Variants in IDUA observed in about 807,000 individuals in gnomAD.
IDUA encodes the protein iduronidase alpha-L-.
Under a neutral mutation model 68.9 loss-of-function variants are expected in IDUA, and 65 were observed. The ratio of observed to expected loss-of-function variants is 0.94; its 90% CI spans 0.77 to 1.16. The LOEUF is 1.16. Among genes scored for constraint, IDUA ranks in the 50% most tolerant of loss-of-function variants. The pLI is 0.00. For synonymous variants in IDUA, 529 were observed against 433.6 expected, an observed-to-expected ratio of 1.22 and a Z score of -2.73; for missense variants, 1,046 against 938.0, an observed-to-expected ratio of 1.12 and a Z score of -1.50.
chr4:1,001,600 G>T (rs769035454), intron 5 of IDUA, 37 bp downstream of exon 5: 1 of 1,609,058 alleles, frequency 6.2e-7, no homozygotes, highest in Non-Finnish European at 8.5e-7. Context: ...CCGGCTGAAA[G>T]GGGGCAGAGG....
chr4:989,159 C>G, intron 2 of IDUA: 2 of 1,607,494 alleles, frequency 1.2e-6, no homozygotes, highest in Non-Finnish European at 1.7e-6. Flanking sequence ...CTAACCGGGC[C>G]CAGGTCCTCG....
intron 2 of IDUA, chr4:989,806 A>G: frequency 6.3e-7 from 1 of 1,576,586 alleles, no homozygotes; most frequent in Non-Finnish European, 8.6e-7. Flanking sequence ...GCCCACAGCC[A>G]GCAGCTCCTG....
At chr4:1,000,736 C>T (rs1268466576) in intron 3 of IDUA, 39 bp downstream of exon 3, 3 of 1,536,314 alleles carry the variant, frequency 2.0e-6, no homozygotes, top group South Asian at 1.1e-5. Context: ...CGCCTGCACC[C>T]CCTTGCCCTG....
At chr4:992,035 C>A in intron 2 of IDUA, 1 of 598,812 alleles carries the variant, frequency 1.7e-6, no homozygotes, top group Non-Finnish European at 3.1e-6. Flanking sequence ...CCAGGCTCAG[C>A]TCCGGCCTAT....
chr4:1,001,435 C>T, intron 4 of IDUA, 33 bp from the exon 5 acceptor site: 2 of 1,584,198 alleles, frequency 1.3e-6, no homozygotes, highest in Non-Finnish European at 1.7e-6. Flanking sequence ...CGAGATTCAC[C>T]TGTGCTGGGG....
At chr4:1,001,131 A>T in intron 4 of IDUA, 142 bp downstream of exon 4, 1 of 664,022 alleles carries the variant, frequency 1.5e-6, no homozygotes. Context: ...GGGGGTGACA[A>T]GGGATAGGTT....
chr4:991,542 G>A (rs372431232), intron 2 of IDUA: 2 of 1,605,804 alleles, frequency 1.2e-6, no homozygotes, highest in African/African-American at 2.7e-5. Context: ...GCGTGGCGGG[G>A]AGCAGGTCCT....
At position 1,004,236 on chromosome 4, in the gene IDUA, G is replaced by A; in HGVS notation, c.1829-24G>A. 2 of 1,609,386 alleles carry A rather than the reference G, an allele frequency of 1.2e-6. No individual in the cohort carries two copies. Among genetic ancestry groups the A allele is most frequent in the Non-Finnish European group, 1.7e-6 (2 of 1,179,962 alleles). ...TTCGGGTGGGGGCAGGTTCCGGTTG[G>A]CACACATGTCCCCTTGTCTCCAGAC... On this transcript the variant is annotated intron_variant, in intron 13 of 13. Coordinates refer to ENST00000514224, the MANE Select transcript of IDUA (RefSeq NM_000203.5). The surrounding 1 kb of genome is among the most constrained non-coding windows in gnomAD (Gnocchi z 5.0).
At chr4:997,275 G>C (rs903116043) in intron 2 of IDUA, among the ~76,000 whole-genome samples, 2 of 151,778 alleles carry the variant, frequency 1.3e-5, no homozygotes, top group South Asian at 2.1e-4. Context: ...CTCCCAAGAG[G>C]CGGGTCTGTA....
chr4:987,813 C>G lies in IDUA; in HGVS notation c.163C>G (p.Pro55Ala), dbSNP rs776561903. The G allele has an allele frequency of 6.2e-7, 1 of 1,612,406 alleles. No homozygotes were observed. The highest frequency in any genetic ancestry group is 8.5e-7 in the Non-Finnish European group (1 of 1,179,862). The stretch of plus-strand genomic sequence containing the variant: ...CCGCCCCTTTGTTGTCCCCAGCCCC[C>G]CGCTGCCACACAGCCAGGCTGACCA... The part of the protein sequence containing the change: ...RFWRSTGFCP[P>A]LPHSQADQYV... Residue 55 changes from proline (P) to alanine (A), a missense_variant, in exon 2 of 14, where the codon CCG (proline) becomes GCG (alanine). Transcript: ENST00000514224.
At chr4:991,254 C>G (rs774906780) in intron 2 of IDUA, 1 of 1,612,516 alleles carries the variant, frequency 6.2e-7, no homozygotes, top group South Asian at 1.1e-5. Context: ...GCAGGCCGTC[C>G]TGGGAGGGGT....
At chr4:1,001,433 A>T (rs553233719) in intron 4 of IDUA, 35 bp from the exon 5 acceptor site, 2 of 1,574,726 alleles carry the variant, frequency 1.3e-6, no homozygotes, top group South Asian at 2.2e-5. Context: ...GGCGAGATTC[A>T]CCTGTGCTGG....
Position 1,002,452 on chromosome 4 carries a change from G to A in IDUA, c.1156G>A (p.Val386Met). ...GCACGTGCAGCTGTTGCGCAAGCCG[G>A]TGCTCACGGCCATGGGGCTGCTGGC... The part of the protein sequence containing the change: ...PPHVQLLRKP[V>M]LTAMGLLALL... Residue 386 changes from valine (V) to methionine (M), a missense_variant, in exon 8 of 14, where the codon GTG becomes ATG. By Grantham distance (21) the Val-to-Met change is conservative. Transcript: ENST00000514224. The A allele has an allele frequency of 1.9e-6, 3 of 1,557,046 alleles. No individual in the cohort carries two copies. The highest frequency in any genetic ancestry group is 2.6e-6 in the Non-Finnish European group (3 of 1,151,594).
intron 1 of IDUA, 54 bp downstream of exon 1, chr4:987,296 G>T (rs1713808485): frequency 5.5e-6 from 8 of 1,459,964 alleles, no homozygotes; most frequent in Non-Finnish European, 7.3e-6. Context: ...GAGCTCGGGC[G>T]CCCCCTGACT....
chr4:999,009 C>T (rs950377528), intron 2 of IDUA, among the ~76,000 whole-genome samples: 1 of 152,164 alleles, frequency 6.6e-6, no homozygotes, highest in Middle Eastern at 3.4e-3. Flanking sequence ...TGGAAACCAT[C>T]CTGGCTAACA....
intron 2 of IDUA, chr4:988,597 C>G (rs1325400444): frequency 1.5e-6 from 2 of 1,369,432 alleles, no homozygotes; most frequent in African/African-American, 3.0e-5. Flanking sequence ...CCAGCCAGCA[C>G]TGTGGGCCAG....
chr4:991,353 G>A, intron 2 of IDUA: 1 of 1,612,912 alleles, frequency 6.2e-7, no homozygotes, highest in South Asian at 1.1e-5. Flanking sequence ...CATGCCGTGA[G>A]GTGCCCATGA....
In IDUA at chr4:1,003,657, T is replaced by A. The variant is rs202038683; in HGVS notation, c.1727+32T>A. 157 of 1,610,132 alleles carry A rather than the reference T, an allele frequency of 9.8e-5. 1 individual carries two copies. In the East Asian group the frequency reaches 3.2e-3, roughly 33 times the overall value. On this transcript the variant is annotated intron_variant, in intron 12 of 13. Transcript: ENST00000514224. ...GAGTGGGGCCGCCCCTCCCTCTGCC[T>A]GGTCCTAGGCAGGTCCCTGGGTCCC... is the stretch of plus-strand genomic sequence containing the variant.
Position 987,812 on chromosome 4 carries a change from C to A in IDUA, c.162C>A (p.Pro54=), listed in dbSNP as rs1378930636. Residue 54 remains proline, a synonymous_variant, in exon 2 of 14, where the codon CCC becomes CCA. Transcript: ENST00000514224. ...GCCGCCCCTTTGTTGTCCCCAGCCC[C>A]CCGCTGCCACACAGCCAGGCTGACC... ...RRFWRSTGFC[P]PLPHSQADQY... 2 of 1,612,298 alleles carry A rather than the reference C, an allele frequency of 1.2e-6. No individual in the cohort carries two copies. Among genetic ancestry groups the A allele is most frequent in the Non-Finnish European group, 1.7e-6 (2 of 1,179,870 alleles).
Sources: gnomAD v4.1 joint callset for allele counts (sites outside exome capture counted in the v4.1 genomes callset) on GRCh38, gnomAD v4.1.1 for gene constraint, Gnocchi (gnomAD v3.1) non-coding constraint, MANE v1.5 for transcripts, NCBI Gene and HGNC (gene_info 2026-07-23, HGNC 2026-07-21) for gene names.